The following ITPR1 variants were observed in gnomAD, a reference collection of about 807,000 sequenced individuals.
ITPR1 encodes the protein inositol 1,4,5-trisphosphate receptor type 1.
In ITPR1, 96 loss-of-function variants were observed where a neutral mutation model predicts 318.4. That is an observed-to-expected ratio of 0.30 (90% confidence interval 0.26 to 0.36). ITPR1 has a LOEUF of 0.36. ITPR1 is among the 10% of genes least tolerant of loss of function. The pLI is 1.00. For synonymous variants in ITPR1, 1,312 were observed against 1,289.9 expected, an observed-to-expected ratio of 1.02 and a Z score of -0.37; for missense variants, 2,440 against 3,460.2, an observed-to-expected ratio of 0.71 and a Z score of 7.40.
Position 4,699,878 on chromosome 3 carries a change from C to G in ITPR1, c.4473C>G (p.Ile1491Met). Residue 1491 changes from isoleucine (I) to methionine (M), a missense_variant, in exon 35 of 62, where the codon ATC becomes ATG. Physicochemically the swap from Ile to Met is conservative, Grantham distance 10 (BLOSUM62 1). Transcript: ENST00000649015. ...TTTTGGAGAAGTATGTCACCGAAAT[C>G]GTCATGAGTATTGTTACTACTTTCT... is the stretch of plus-strand genomic sequence containing the variant. The part of the protein sequence containing the change: ...DSILEKYVTE[I>M]VMSIVTTFFS... The G allele has an allele frequency of 6.2e-7, 1 of 1,613,566 alleles. No individual in the cohort carries two copies. The highest frequency in any genetic ancestry group is 8.5e-7 in the Non-Finnish European group (1 of 1,179,560).
At chr3:4,602,819 A>G (rs1425840690) in intron 4 of ITPR1, among the ~76,000 whole-genome samples, 1 of 152,156 alleles carries the variant, frequency 6.6e-6, no homozygotes, top group Non-Finnish European at 1.5e-5. Context: ...ATAGAGACAG[A>G]CACTAGATAA....
At chr3:4,519,965 C>A (rs304014) in intron 3 of ITPR1, among the ~76,000 whole-genome samples, 54,051 of 151,914 alleles carry the variant, frequency 0.36, 9,642 homozygotes, top group Non-Finnish European at 0.36. Context: ...GGGGCTCTTA[C>A]CCTGAGTCCT....
At chr3:4,572,009 T>G (rs896602381) in intron 4 of ITPR1, among the ~76,000 whole-genome samples, 2 of 152,234 alleles carry the variant, frequency 1.3e-5, no homozygotes, top group African/African-American at 4.8e-5. Context: ...CTAATTCATT[T>G]CCCTAAATCC....
intron 60 of ITPR1, chr3:4,825,756 G>A (rs557160423): frequency 4.2e-5 from 19 of 456,778 alleles, no homozygotes; most frequent in South Asian, 2.0e-4. Flanking sequence ...CTTGACCCAA[G>A]AGAGAGCCTG....
chr3:4,532,025 T>C (rs559320500), intron 4 of ITPR1, among the ~76,000 whole-genome samples: 2 of 152,358 alleles, frequency 1.3e-5, no homozygotes, highest in East Asian at 3.9e-4. Flanking sequence ...TTAAATGAGT[T>C]AATCTGTGTA....
chr3:4,826,998 G>A lies in ITPR1; in HGVS notation c.8028+8756G>A, dbSNP rs2050119860. ...AGACATTGTTCCGTCAGCCACTGAA[G>A]ACTCGCTTCACTGTGCATGAAACCA... is the stretch of plus-strand genomic sequence containing the variant. On this transcript the variant is annotated intron_variant, in intron 60 of 61. Transcript: ENST00000649015. The surrounding 1 kb of genome is among the most constrained non-coding windows in gnomAD (Gnocchi z 4.2). 6.6e-6 allele frequency among the ~76,000 whole-genome samples: 1 copy of A among 152,242 alleles called. No homozygotes were observed. Among genetic ancestry groups the A allele is most frequent in the Non-Finnish European group, 1.5e-5 (1 of 68,042 alleles).
chr3:4,672,039 T>C (rs1347503048), intron 20 of ITPR1, among the ~76,000 whole-genome samples: 1 of 152,256 alleles, frequency 6.6e-6, no homozygotes, highest in Non-Finnish European at 1.5e-5. Flanking sequence ...ATTTGGACTG[T>C]TGGATGATAT....
chr3:4,808,828 GGGT>G (rs1486072150), intron 55 of ITPR1, among the ~76,000 whole-genome samples: 1 of 152,186 alleles, frequency 6.6e-6, no homozygotes, highest in Non-Finnish European at 1.5e-5. Flanking sequence ...AAGGTAGGGA[GGGT>G]GATCTGGTGG....
chr3:4,720,526 T>G (rs1275622555), intron 40 of ITPR1, among the ~76,000 whole-genome samples: 1 of 152,208 alleles, frequency 6.6e-6, no homozygotes, highest in Non-Finnish European at 1.5e-5. Flanking sequence ...GGGATTGGTG[T>G]GTTTAGAAAG....
intron 26 of ITPR1, among the ~76,000 whole-genome samples, chr3:4,681,909 C>G (rs2094310273): frequency 6.6e-6 from 1 of 151,518 alleles, no homozygotes; most frequent in African/African-American, 2.4e-5. Context: ...ATGTATGAAC[C>G]CCTTTAAAAA....
At position 4,688,479 on chromosome 3, in the gene ITPR1, G is replaced by A; in HGVS notation, c.3703-16G>A. On this transcript the variant is annotated splice_polypyrimidine_tract_variant and intron_variant, in intron 30 of 61. Coordinates refer to ENST00000649015, the MANE Select transcript of ITPR1 (RefSeq NM_001378452.1). ...GGCCCAGCAATCAGTGCTTTCATCT[G>A]TCTCCTCCCACACAGGCCGAAGATA... 1 of 1,613,376 alleles carries A rather than the reference G, an allele frequency of 6.2e-7. No individual in the cohort carries two copies. Among genetic ancestry groups the A allele is most frequent in the Non-Finnish European group, 8.5e-7 (1 of 1,179,416 alleles).
At chr3:4,669,551 T>G in intron 18 of ITPR1, 103 bp from the exon 19 acceptor site, 1 of 1,120,368 alleles carries the variant, frequency 8.9e-7, no homozygotes, top group South Asian at 1.7e-5. Flanking sequence ...TGACATGTCT[T>G]GGTAAAGGTA....
chr3:4,836,689 A>G (rs1204401664), intron 60 of ITPR1, 85 bp from the exon 61 acceptor site: 1 of 1,227,842 alleles, frequency 8.1e-7, no homozygotes, highest in East Asian at 2.8e-5. Flanking sequence ...GAAACATGGC[A>G]CGGTAAGCTG....
intron 2 of ITPR1, among the ~76,000 whole-genome samples, chr3:4,501,023 T>TA (rs201251947): frequency 4.2e-5 from 4 of 96,180 alleles, no homozygotes; most frequent in Admixed American, 9.9e-5. Flanking sequence ...CTGGCTAATT[T>TA]AAAAAAAAAA....
At chr3:4,777,768 C>T (rs552009217) in intron 48 of ITPR1, among the ~76,000 whole-genome samples, 62 of 142,950 alleles carry the variant, frequency 4.3e-4, no homozygotes, top group Non-Finnish European at 6.3e-4. Flanking sequence ...AAGAATAGTA[C>T]AACTAAGCCT....
intron 54 of ITPR1, 69 bp from the exon 55 acceptor site, chr3:4,806,034 G>T: frequency 7.7e-7 from 1 of 1,297,162 alleles, no homozygotes; most frequent in Middle Eastern, 1.9e-4. Context: ...TGTGTGAGAT[G>T]CTCTCGTTGC....
chr3:4,645,466 A>G lies in ITPR1; in HGVS notation c.704A>G (p.Lys235Arg). ...AGTGATAACAAAGACGACATATTAA[A>G]GGGGGTGAGTTTGATGCTTTATGGG... is the stretch of plus-strand genomic sequence containing the variant. ...KWSDNKDDIL[K>R]GGDVVRLFHA... The change falls in exon 9 of 62, where the codon AAG becomes AGG. Residue 235 changes from lysine (K) to arginine (R), a missense_variant. Lys to Arg is a conservative substitution (Grantham distance 26, BLOSUM62 2). This residue lies in a region of ITPR1 where 186 missense variants were observed against 323.9 expected (regional missense o/e 0.57). Transcript: ENST00000649015. 4 of 1,612,276 alleles carry G rather than the reference A, an allele frequency of 2.5e-6. No individual in the cohort carries two copies. The highest frequency in any genetic ancestry group is 3.4e-6 in the Non-Finnish European group (4 of 1,178,420).
chr3:4,666,440 G>C (rs912059858), intron 17 of ITPR1, among the ~76,000 whole-genome samples: 2 of 152,184 alleles, frequency 1.3e-5, no homozygotes, highest in African/African-American at 2.4e-5. Context: ...ATCTGGGTCT[G>C]TGGGGTGTGT....
At chr3:4,738,761 A>T (rs1052555017) in intron 44 of ITPR1, among the ~76,000 whole-genome samples, 1 of 151,836 alleles carries the variant, frequency 6.6e-6, no homozygotes, top group African/African-American at 2.4e-5. Context: ...TCACACATTT[A>T]TTACTCATAC....
Sources: gnomAD v4.1 joint callset for allele counts (sites outside exome capture counted in the v4.1 genomes callset) on GRCh38, gnomAD v4.1.1 for gene constraint, gnomAD v4.1.1 regional missense constraint, Gnocchi (gnomAD v3.1) non-coding constraint, MANE v1.5 for transcripts, NCBI Gene and HGNC (gene_info 2026-07-23, HGNC 2026-07-21) for gene names.